The following CNTN3 variants were observed in gnomAD, a reference collection of about 807,000 sequenced individuals.
The protein encoded by CNTN3 is contactin-3.
CNTN3 carries 60 observed loss-of-function variants against 119.1 expected under a neutral mutation model. That is an observed-to-expected ratio of 0.50 (90% CI 0.41 to 0.62). The LOEUF is 0.62. CNTN3 is among the 20% of genes least tolerant of loss of function. CNTN3 has a pLI of 0.00. For synonymous variants in CNTN3, 450 were observed against 438.7 expected (o/e 1.03, Z -0.32); for missense variants, 1,101 against 1,242.4 (o/e 0.89, Z 1.71).
At chr3:74,502,631 G>T (rs1031179397) in intron 2 of CNTN3, among the ~76,000 whole-genome samples, 13 of 152,104 alleles carry the variant, frequency 8.5e-5, no homozygotes, top group Non-Finnish European at 1.9e-4. Context: ...CACTGCTCTT[G>T]TTCCTGCTTC....
chr3:74,605,492 T>C (rs746129183), intron 1 of CNTN3, among the ~76,000 whole-genome samples: 2 of 152,188 alleles, frequency 1.3e-5, no homozygotes, highest in Non-Finnish European at 2.9e-5. Context: ...ATAAATAGCT[T>C]AAACAAAGAA....
At chr3:74,429,232 G>A (rs1701744638) in intron 4 of CNTN3, among the ~76,000 whole-genome samples, 1 of 151,880 alleles carries the variant, frequency 6.6e-6, no homozygotes, top group Non-Finnish European at 1.5e-5. Flanking sequence ...GACTTAGAAT[G>A]TGTAAAACTA....
intron 20 of CNTN3, among the ~76,000 whole-genome samples, chr3:74,277,190 T>C (rs1473299724): frequency 6.6e-6 from 1 of 151,892 alleles, no homozygotes; most frequent in Admixed American, 6.6e-5. Flanking sequence ...CACAGCAGAA[T>C]TCTACCAGAC....
intron 5 of CNTN3, among the ~76,000 whole-genome samples, chr3:74,401,460 A>C (rs1705188837): frequency 6.6e-6 from 1 of 151,798 alleles, no homozygotes; most frequent in African/African-American, 2.4e-5. Flanking sequence ...CACATTCTCC[A>C]CTCATATTCA....
intron 4 of CNTN3, among the ~76,000 whole-genome samples, chr3:74,461,092 A>G (rs1702359157): frequency 6.6e-6 from 1 of 151,870 alleles, no homozygotes; most frequent in African/African-American, 2.4e-5. Flanking sequence ...TTACTGTGCC[A>G]ATCGACATGA....
rs537955411 is a variant in CNTN3 at position 74,524,607 on chromosome 3, G to A, written c.-80-3415C>T. On this transcript the variant is annotated intron_variant, in intron 1 of 22. Transcript: ENST00000263665. ...TTTTCCTAGTGTAGACAAGTACTTGGTATGGATTTATTAGGTGGCAGATAG... is the reference window on the plus strand; with the variant it reads ...TTTTCCTAGTGTAGACAAGTACTTGATATGGATTTATTAGGTGGCAGATAG... Among the ~76,000 whole-genome samples, 4 of 151,876 alleles carry A rather than the reference G, an allele frequency of 2.6e-5. No homozygotes were observed. In the South Asian group the frequency reaches 6.2e-4, roughly 24 times the overall value.
At chr3:74,275,668 T>C (rs1020877433) in intron 20 of CNTN3, among the ~76,000 whole-genome samples, 2 of 151,950 alleles carry the variant, frequency 1.3e-5, no homozygotes, top group African/African-American at 4.8e-5. Context: ...AGAACCTCTT[T>C]AAAGCATAAA....
Position 74,476,248 on chromosome 3 carries a change from T to C in CNTN3, c.358+10208A>G, listed in dbSNP as rs114226040. Among the ~76,000 whole-genome samples the C allele has an allele frequency of 8.6e-3, 1,315 of 152,286 alleles. 17 individuals are homozygous for C. The highest frequency in any genetic ancestry group is 0.03 in the African/African-American group (1,250 of 41,570). On this transcript the variant is annotated intron_variant, in intron 4 of 22. Transcript: ENST00000263665. ...AGAGGTGCACAGGAACCTAATCTTG[T>C]ATTTCCCTTAGGAGCAATAGTTCAG...
chr3:74,454,470 G>T (rs1183117983), intron 4 of CNTN3, among the ~76,000 whole-genome samples: 1 of 151,812 alleles, frequency 6.6e-6, no homozygotes, highest in Non-Finnish European at 1.5e-5. Context: ...TATCCAATTT[G>T]CCAGTCTGTG....
At chr3:74,556,193 T>G (rs1386412112) in intron 1 of CNTN3, among the ~76,000 whole-genome samples, 1 of 152,180 alleles carries the variant, frequency 6.6e-6, no homozygotes, top group Non-Finnish European at 1.5e-5. Flanking sequence ...AAGTGAATAC[T>G]TCAATGGTTT....
At chr3:74,319,910 T>G (rs1215595317) in intron 13 of CNTN3, among the ~76,000 whole-genome samples, 1 of 151,264 alleles carries the variant, frequency 6.6e-6, no homozygotes, top group East Asian at 1.9e-4. Flanking sequence ...AAAAAACACA[T>G]GAAAAAATGC....
At chr3:74,520,502 A>G (rs1703525494) in intron 2 of CNTN3, among the ~76,000 whole-genome samples, 3 of 151,492 alleles carry the variant, frequency 2.0e-5, no homozygotes. Context: ...AAAAGAAAAT[A>G]CAACAAATGA....
In CNTN3 at chr3:74,602,882, C is replaced by T. The variant is rs112779728; in HGVS notation, c.-81+11509G>A. On this transcript the variant is annotated intron_variant, in intron 1 of 22. Transcript: ENST00000263665. ...TAAGTCTCTTGTGTTTCTGCCCTCA[C>T]TAATGTGAACAGAATGTCCCAGATA... Among the ~76,000 whole-genome samples, 432 of 152,222 alleles carry T rather than the reference C, an allele frequency of 2.8e-3. 2 individuals carry two copies. Among genetic ancestry groups the T allele is most frequent in the African/African-American group, 9.7e-3 (404 of 41,556 alleles).
At chr3:74,324,760 G>A (rs542772062) in intron 13 of CNTN3, among the ~76,000 whole-genome samples, 55 of 151,758 alleles carry the variant, frequency 3.6e-4, no homozygotes, top group African/African-American at 1.3e-3. Flanking sequence ...CTTAGCCAAA[G>A]AAGAAGGTAG....
At chr3:74,500,934 G>A (rs1325240694) in intron 2 of CNTN3, among the ~76,000 whole-genome samples, 1 of 151,958 alleles carries the variant, frequency 6.6e-6, no homozygotes, top group African/African-American at 2.4e-5. Context: ...GTGGTTAGGC[G>A]GCATGAGCAA....
At chr3:74,526,043 G>A (rs917534146) in intron 1 of CNTN3, among the ~76,000 whole-genome samples, 1 of 151,822 alleles carries the variant, frequency 6.6e-6, no homozygotes, top group South Asian at 2.1e-4. Context: ...ATTTCTTTCA[G>A]ATAACATGTA....
At chr3:74,265,398 G>A (rs1299264051) in intron 22 of CNTN3, among the ~76,000 whole-genome samples, 1 of 152,042 alleles carries the variant, frequency 6.6e-6, no homozygotes, top group Non-Finnish European at 1.5e-5. Context: ...ACCATTCAGG[G>A]AACAAGAAGC....
intron 4 of CNTN3, among the ~76,000 whole-genome samples, chr3:74,454,699 C>A (rs1178684835): frequency 6.6e-6 from 1 of 151,948 alleles, no homozygotes; most frequent in Non-Finnish European, 1.5e-5. Context: ...TCTTTTAGGG[C>A]AGGCCTGGTG....
At chr3:74,559,826 A>G (rs1024491353) in intron 1 of CNTN3, among the ~76,000 whole-genome samples, 1 of 152,148 alleles carries the variant, frequency 6.6e-6, no homozygotes, top group Non-Finnish European at 1.5e-5. Context: ...GTAGTTTCTC[A>G]AAGTGTATTT....
Sources: allele counts gnomAD v4.1 joint callset (sites outside exome capture counted in the v4.1 genomes callset), GRCh38; gene constraint gnomAD v4.1.1; transcripts MANE v1.5; gene names NCBI Gene and HGNC (gene_info 2026-07-23, HGNC 2026-07-21).